Variants in NRXN3 observed in about 807,000 individuals in gnomAD.
The protein encoded by NRXN3 is neurexin III.
A neutral mutation model predicts 137.6 loss-of-function variants in NRXN3; 32 were observed. That is an observed-to-expected ratio of 0.23 (90% CI 0.18 to 0.31). NRXN3 has a LOEUF of 0.31. Ranked by LOEUF, NRXN3 falls within the 10% of genes least tolerant of loss-of-function variation. NRXN3 has a pLI of 1.00. For synonymous variants in NRXN3, 798 were observed against 784.5 expected, an observed-to-expected ratio of 1.02 and a Z score of -0.29; for missense variants, 1,574 against 2,062.5, an observed-to-expected ratio of 0.76 and a Z score of 4.59.
chr14:78,830,658 A>G (rs1011905118), intron 10 of NRXN3, among the ~76,000 whole-genome samples: 1 of 151,876 alleles, frequency 6.6e-6, no homozygotes, highest in Non-Finnish European at 1.5e-5. Flanking sequence ...TTTAAAGAAA[A>G]TTATTTAATA....
intron 4 of NRXN3, among the ~76,000 whole-genome samples, chr14:78,546,446 T>C (rs191877204): frequency 6.6e-6 from 1 of 152,350 alleles, no homozygotes; most frequent in Admixed American, 6.5e-5. Context: ...AATATTTGTT[T>C]ACCTTGTTTA....
intron 20 of NRXN3, among the ~76,000 whole-genome samples, chr14:79,846,032 G>A (rs1160580057): frequency 6.6e-6 from 1 of 152,028 alleles, no homozygotes; most frequent in Non-Finnish European, 1.5e-5. Context: ...GTGGTTCATG[G>A]CACCCCAAAA....
intron 4 of NRXN3, among the ~76,000 whole-genome samples, chr14:78,329,000 A>G (rs2080455893): frequency 6.6e-6 from 1 of 152,156 alleles, no homozygotes; most frequent in Admixed American, 6.6e-5. Flanking sequence ...TTTTGTGTTC[A>G]TTCCAGAAGC....
intron 2 of NRXN3, among the ~76,000 whole-genome samples, chr14:78,261,318 G>C (rs932296713): frequency 2.0e-5 from 3 of 152,136 alleles, no homozygotes; most frequent in Non-Finnish European, 2.9e-5. Context: ...GCTCTGCTCT[G>C]ATCCTGATTC....
chr14:79,479,859 G>A (rs1288675223), intron 16 of NRXN3, among the ~76,000 whole-genome samples: 1 of 152,068 alleles, frequency 6.6e-6, no homozygotes, highest in African/African-American at 2.4e-5. Flanking sequence ...TAGAATAAGT[G>A]TTTTAGAGGT....
chr14:78,741,709 A>G (rs2098574927), intron 8 of NRXN3, among the ~76,000 whole-genome samples: 1 of 152,198 alleles, frequency 6.6e-6, no homozygotes, highest in South Asian at 2.1e-4. Flanking sequence ...CATATTTCTA[A>G]GTATACTGTA....
chr14:79,441,658 G>A (rs1272499735), intron 15 of NRXN3, among the ~76,000 whole-genome samples: 1 of 151,908 alleles, frequency 6.6e-6, no homozygotes, highest in Non-Finnish European at 1.5e-5. Flanking sequence ...GGGATTACAG[G>A]CGTGAGCCAC....
At position 79,689,774 on chromosome 14, in the gene NRXN3, G is replaced by A. The variant is rs530189534; in HGVS notation, c.3617-2399G>A. The stretch of plus-strand genomic sequence containing the variant: ...CAGATTATTTTCTATGGTGCTTTAC[G>A]TTTGAAAGAGAGTAGATGATGAGGG... On this transcript the variant is annotated intron_variant, in intron 17 of 20. Transcript: ENST00000335750. Among the ~76,000 whole-genome samples the A allele has an allele frequency of 1.3e-4, 20 of 152,064 alleles. 1 individual carries two copies. Among genetic ancestry groups the A allele is most frequent in the South Asian group, 6.2e-4 (3 of 4,816 alleles).
chr14:79,179,071 C>T (rs1037445527), intron 15 of NRXN3, among the ~76,000 whole-genome samples: 2 of 152,168 alleles, frequency 1.3e-5, no homozygotes, highest in African/African-American at 4.8e-5. Context: ...TGAGGTTTGT[C>T]TTCTTCTTGC....
intron 10 of NRXN3, among the ~76,000 whole-genome samples, chr14:78,860,319 A>G (rs570859209): frequency 6.6e-6 from 1 of 152,274 alleles, no homozygotes; most frequent in South Asian, 2.1e-4. Flanking sequence ...GCCAGTGTCT[A>G]CTAGCTCTTA....
rs1323139488 is a variant in NRXN3, at chr14:78,520,574, A to T, written c.758-124546A>T. Reference sequence around the variant, plus strand: ...AGAGTGGAAAGAATACTGGATTTGAAATTAAAAGTTCAAATCAGGGTTTCA... The same window carrying T: ...AGAGTGGAAAGAATACTGGATTTGATATTAAAAGTTCAAATCAGGGTTTCA... On this transcript the variant is annotated intron_variant, in intron 4 of 20. Transcript: ENST00000335750. Among the ~76,000 whole-genome samples, 5 of 152,188 alleles carry T rather than the reference A, an allele frequency of 3.3e-5. No homozygotes were observed. The East Asian group carries it at 9.6e-4, about 29-fold the overall frequency.
At chr14:78,846,351 TA>T (rs921802624) in intron 10 of NRXN3, among the ~76,000 whole-genome samples, 1 of 152,116 alleles carries the variant, frequency 6.6e-6, no homozygotes, top group Non-Finnish European at 1.5e-5. Context: ...TTTTCTTTTA[TA>T]CCTGATCAGG....
Position 78,858,339 on chromosome 14 carries a change from G to A in NRXN3, c.2275+47995G>A, listed in dbSNP as rs575218761. Among the ~76,000 whole-genome samples the A allele has an allele frequency of 1.5e-4, 23 of 152,202 alleles. No homozygotes were observed. In the South Asian group the frequency reaches 3.7e-3, roughly 25 times the overall value. On this transcript the variant is annotated intron_variant, in intron 10 of 20. Transcript: ENST00000335750. ...GAGCTATACCATTGAATTATTGCCC[G>A]TGATTGGGTGTGGAAATGGAGAGCT... is the stretch of plus-strand genomic sequence containing the variant.
intron 15 of NRXN3, among the ~76,000 whole-genome samples, chr14:78,996,794 C>T (rs930085850): frequency 3.3e-5 from 5 of 152,052 alleles, no homozygotes; most frequent in African/African-American, 4.8e-5. Flanking sequence ...GCAAAAGAAA[C>T]GTCAGGAGTG....
At chr14:78,526,116 A>C (rs947946046) in intron 4 of NRXN3, among the ~76,000 whole-genome samples, 1 of 152,222 alleles carries the variant, frequency 6.6e-6, no homozygotes, top group Non-Finnish European at 1.5e-5. Flanking sequence ...AGATAGCCGC[A>C]TAATTACTTA....
chr14:78,893,095 C>A (rs1024533616), intron 10 of NRXN3, among the ~76,000 whole-genome samples: 1 of 151,838 alleles, frequency 6.6e-6, no homozygotes, highest in Admixed American at 6.6e-5. Context: ...CCTGCTTGGC[C>A]ACCCACCTTC....
chr14:78,872,929 A>C (rs1056327307), intron 10 of NRXN3, among the ~76,000 whole-genome samples: 4 of 152,130 alleles, frequency 2.6e-5, no homozygotes, highest in African/African-American at 9.7e-5. Context: ...GAGCCTCTTC[A>C]AGTCAGATTC....
At chr14:78,424,708 T>A (rs17107542) in intron 4 of NRXN3, among the ~76,000 whole-genome samples, 15,411 of 152,218 alleles carry the variant, frequency 0.1, 1,048 homozygotes, top group African/African-American at 0.17. Flanking sequence ...AGTTTGAATC[T>A]CTGGGTTGAC....
intron 8 of NRXN3, among the ~76,000 whole-genome samples, chr14:78,789,324 T>A (rs1234477692): frequency 6.6e-6 from 1 of 152,184 alleles, no homozygotes; most frequent in African/African-American, 2.4e-5. Context: ...ATGCTCTAGT[T>A]AAGGGGTTCT....
Sources: allele counts gnomAD v4.1 joint callset (sites outside exome capture counted in the v4.1 genomes callset), GRCh38; gene constraint gnomAD v4.1.1; transcripts MANE v1.5; gene names NCBI Gene and HGNC (gene_info 2026-07-23, HGNC 2026-07-21).